SYNPR: variants seen among roughly 807,000 people sequenced by gnomAD.
SYNPR encodes the protein synaptoporin.
In SYNPR, 23 loss-of-function variants were observed where a neutral mutation model predicts 32.9. That is an observed-to-expected ratio of 0.70 (90% CI 0.50 to 0.99). SYNPR has a LOEUF of 0.99. Among genes scored for constraint, SYNPR ranks in the 50% least tolerant of loss-of-function variants. SYNPR has a pLI of 0.00. For missense variants in SYNPR, 318 were observed against 349.3 expected (o/e 0.91, Z 0.71); for synonymous variants, 146 against 135.9 (o/e 1.07, Z -0.52).
chr3:63,385,017 T>G (rs1482275821), intron 2 of SYNPR, among the ~76,000 whole-genome samples: 1 of 152,150 alleles, frequency 6.6e-6, no homozygotes, highest in Admixed American at 6.5e-5. Flanking sequence ...CCCCATGGCC[T>G]CAGCTCTTAC....
At chr3:63,577,789 G>A (rs918548406) in intron 4 of SYNPR, among the ~76,000 whole-genome samples, 4 of 152,120 alleles carry the variant, frequency 2.6e-5, no homozygotes, top group South Asian at 4.1e-4. Flanking sequence ...AAAAAAGTAC[G>A]TGTTTCCAAG....
At chr3:63,309,297 T>C (rs2086938638) in intron 2 of SYNPR, among the ~76,000 whole-genome samples, 1 of 152,038 alleles carries the variant, frequency 6.6e-6, no homozygotes, top group African/African-American at 2.4e-5. Context: ...CTGCTAATGT[T>C]AACATCTATT....
At chr3:63,304,976 C>T (rs2086896524) in intron 2 of SYNPR, among the ~76,000 whole-genome samples, 1 of 151,850 alleles carries the variant, frequency 6.6e-6, no homozygotes, top group Non-Finnish European at 1.5e-5. Context: ...TCTGTCGGAG[C>T]CTCAGTTTCC....
chr3:63,451,467 C>G lies in SYNPR; in HGVS notation c.85-29365C>G, dbSNP rs899017798. On this transcript the variant is annotated intron_variant, in intron 2 of 5. Coordinates refer to ENST00000478300, the MANE Select transcript of SYNPR (RefSeq NM_001130003.2). ...AGAATAACTATAATAAAACCAAATG[C>G]AATATGTATAAAGCCATTCCCTATG... Among the ~76,000 whole-genome samples, 77 of 152,220 alleles carry G rather than the reference C, an allele frequency of 5.1e-4. 1 individual carries two copies. The highest frequency in any genetic ancestry group is 1.3e-4 in the Admixed American group (2 of 15,276).
chr3:63,548,708 A>C (rs1024181209), intron 3 of SYNPR, among the ~76,000 whole-genome samples: 3 of 152,184 alleles, frequency 2.0e-5, no homozygotes, highest in Non-Finnish European at 4.4e-5. Context: ...AAACGTACTC[A>C]GCACTACAAT....
At chr3:63,563,832 A>T (rs1702736007) in intron 4 of SYNPR, among the ~76,000 whole-genome samples, 1 of 152,148 alleles carries the variant, frequency 6.6e-6, no homozygotes, top group Non-Finnish European at 1.5e-5. Flanking sequence ...CTTGCCTAGA[A>T]GTGAGGGCAT....
At chr3:63,611,265 T>C (rs1700192906) in intron 5 of SYNPR, among the ~76,000 whole-genome samples, 1 of 152,198 alleles carries the variant, frequency 6.6e-6, no homozygotes, top group African/African-American at 2.4e-5. Flanking sequence ...CAGTACCAAA[T>C]AATTGTTTCT....
At chr3:63,503,104 T>C (rs1042192151) in intron 3 of SYNPR, among the ~76,000 whole-genome samples, 1 of 152,148 alleles carries the variant, frequency 6.6e-6, no homozygotes, top group African/African-American at 2.4e-5. Flanking sequence ...AAATAAACAT[T>C]TGGTGCTATC....
At chr3:63,294,530 C>A (rs2086774226) in intron 2 of SYNPR, among the ~76,000 whole-genome samples, 1 of 152,174 alleles carries the variant, frequency 6.6e-6, no homozygotes, top group Admixed American at 6.5e-5. Flanking sequence ...TTCACGTGGA[C>A]TTTTACATAA....
intron 3 of SYNPR, among the ~76,000 whole-genome samples, chr3:63,537,061 A>T (rs1351795413): frequency 6.6e-6 from 1 of 152,102 alleles, no homozygotes; most frequent in Non-Finnish European, 1.5e-5. Context: ...CTGTGAATAC[A>T]TGAAACTATG....
At chr3:63,265,692 C>T (rs922350578) in intron 2 of SYNPR, among the ~76,000 whole-genome samples, 2 of 152,100 alleles carry the variant, frequency 1.3e-5, no homozygotes, top group African/African-American at 4.8e-5. Flanking sequence ...AAAATATATG[C>T]TTTCATAATG....
At chr3:63,398,822 A>T (rs1183651750) in intron 2 of SYNPR, among the ~76,000 whole-genome samples, 1 of 152,244 alleles carries the variant, frequency 6.6e-6, no homozygotes, top group Non-Finnish European at 1.5e-5. Context: ...TCCCTGAGGA[A>T]TATCTGAGGG....
At chr3:63,397,864 G>A (rs576549307) in intron 2 of SYNPR, among the ~76,000 whole-genome samples, 2 of 152,244 alleles carry the variant, frequency 1.3e-5, no homozygotes, top group East Asian at 1.9e-4. Context: ...ATCTTTTGGG[G>A]CCTAAGAATT....
At chr3:63,494,685 T>C (rs566129385) in intron 3 of SYNPR, among the ~76,000 whole-genome samples, 50 of 152,040 alleles carry the variant, frequency 3.3e-4, no homozygotes, top group Middle Eastern at 3.4e-3. Context: ...ATGAGATAGC[T>C]ACTCTAAACT....
the SYNPR span, among the ~76,000 whole-genome samples, chr3:63,219,183 C>T: frequency 1.3e-5 from 2 of 152,122 alleles, no homozygotes; most frequent in East Asian, 1.9e-4. Flanking sequence ...ACATTTTAGC[C>T]CAAACCTGAG....
At chr3:63,446,107 G>A (rs1397019779) in intron 2 of SYNPR, among the ~76,000 whole-genome samples, 1 of 152,064 alleles carries the variant, frequency 6.6e-6, no homozygotes. Context: ...CAATTCCTTT[G>A]ACCTTCAGTC....
At chr3:63,238,794 G>C (rs2086216708) in intron 1 of SYNPR, among the ~76,000 whole-genome samples, 1 of 152,248 alleles carries the variant, frequency 6.6e-6, no homozygotes, top group South Asian at 2.1e-4. Flanking sequence ...TAATTTCAGA[G>C]AGCTAGTAAG....
intron 4 of SYNPR, among the ~76,000 whole-genome samples, chr3:63,574,874 C>A (rs796943992): frequency 4.6e-5 from 7 of 152,194 alleles, no homozygotes; most frequent in African/African-American, 1.7e-4. Context: ...CTTCAAAGTA[C>A]AGTCAGATAA....
intron 2 of SYNPR, among the ~76,000 whole-genome samples, chr3:63,441,951 A>G (rs1700185952): frequency 6.6e-6 from 1 of 152,174 alleles, no homozygotes; most frequent in African/African-American, 2.4e-5. Context: ...GCCATTTTAC[A>G]AAGGGGAAAC....
Sources: allele counts gnomAD v4.1 joint callset (sites outside exome capture counted in the v4.1 genomes callset), GRCh38; gene constraint gnomAD v4.1.1; transcripts MANE v1.5; gene names NCBI Gene and HGNC (gene_info 2026-07-23, HGNC 2026-07-21).